RGS7: variants seen among roughly 807,000 people sequenced by gnomAD.
RGS7 encodes regulator of G-protein signaling 7.
RGS7 carries 27 observed loss-of-function variants against 81.1 expected under a neutral mutation model. The ratio of observed to expected loss-of-function variants is 0.33; its 90% CI spans 0.25 to 0.46. The LOEUF (loss-of-function observed/expected upper bound fraction) is 0.46, where lower values mean the gene tolerates loss of function less well. Ranked by LOEUF, RGS7 falls within the 20% of genes least tolerant of loss-of-function variation. The pLI, the probability that RGS7 is intolerant of heterozygous loss-of-function variation, is 1.00. For synonymous variants in RGS7, 208 were observed against 207.7 expected, an observed-to-expected ratio of 1.00 and a Z score of -0.01; for missense variants, 396 against 607.4, an observed-to-expected ratio of 0.65 and a Z score of 3.66.
intron 2 of RGS7, among the ~76,000 whole-genome samples, chr1:241,120,358 T>G (rs2102992192): frequency 6.6e-6 from 1 of 152,292 alleles, no homozygotes; most frequent in African/African-American, 2.4e-5. Flanking sequence ...TTTTTTTGTT[T>G]TGTTTTAGAG....
At chr1:241,106,312 TA>T (rs2065092075) in intron 2 of RGS7, among the ~76,000 whole-genome samples, 1 of 152,214 alleles carries the variant, frequency 6.6e-6, no homozygotes, top group African/African-American at 2.4e-5. Context: ...CTTTTCATAT[TA>T]AAAAACTGCC....
intron 2 of RGS7, among the ~76,000 whole-genome samples, chr1:241,355,391 G>A (rs2083497100): frequency 6.6e-6 from 1 of 152,192 alleles, no homozygotes; most frequent in African/African-American, 2.4e-5. Flanking sequence ...TATTACGGAT[G>A]CTACTAAATC....
intron 3 of RGS7, among the ~76,000 whole-genome samples, chr1:241,024,029 A>G (rs1024079030): frequency 8.5e-5 from 13 of 152,230 alleles, no homozygotes; most frequent in African/African-American, 2.7e-4. Context: ...TTGGGATTAC[A>G]GGCATGAGCC....
chr1:241,013,101 T>C (rs1047962167), intron 3 of RGS7, among the ~76,000 whole-genome samples: 2 of 131,954 alleles, frequency 1.5e-5, no homozygotes, highest in Non-Finnish European at 1.6e-5. Flanking sequence ...CCCACTCTGT[T>C]GCCCAGGCTG....
chr1:240,805,852 C>T (rs1688747610), intron 15 of RGS7, among the ~76,000 whole-genome samples: 1 of 152,002 alleles, frequency 6.6e-6, no homozygotes, highest in Admixed American at 6.6e-5. Flanking sequence ...TGTTTGCTCA[C>T]TTACTGGGGG....
At chr1:241,263,293 T>C (rs2077428661) in intron 2 of RGS7, among the ~76,000 whole-genome samples, 1 of 151,656 alleles carries the variant, frequency 6.6e-6, no homozygotes, top group Non-Finnish European at 1.5e-5. Flanking sequence ...AAAATATATA[T>C]ATATATAAAA....
chr1:240,892,945 T>C (rs1385161521), intron 6 of RGS7, among the ~76,000 whole-genome samples: 2 of 152,162 alleles, frequency 1.3e-5, no homozygotes, highest in Non-Finnish European at 2.9e-5. Flanking sequence ...GAGCTAAATG[T>C]GTTGCAACTA....
At chr1:241,044,300 G>C (rs1381653934) in intron 3 of RGS7, among the ~76,000 whole-genome samples, 7 of 151,792 alleles carry the variant, frequency 4.6e-5, no homozygotes, top group Non-Finnish European at 1.0e-4. Flanking sequence ...TTTAGAAACG[G>C]GGTTTCACCA....
chr1:241,032,065 A>C (rs1444848735), intron 3 of RGS7, among the ~76,000 whole-genome samples: 2 of 152,224 alleles, frequency 1.3e-5, no homozygotes, highest in African/African-American at 4.8e-5. Context: ...CAATATCCAG[A>C]AGAGTTTTCC....
intron 9 of RGS7, among the ~76,000 whole-genome samples, chr1:240,827,443 C>T (rs1321609276): frequency 6.6e-6 from 1 of 152,192 alleles, no homozygotes; most frequent in Admixed American, 6.5e-5. Context: ...TCGGACTGCA[C>T]ATGTGAAAGT....
chr1:241,334,945 G>T (rs759898584), intron 2 of RGS7, among the ~76,000 whole-genome samples: 5 of 152,144 alleles, frequency 3.3e-5, no homozygotes, highest in Non-Finnish European at 5.9e-5. Context: ...AGGGCACTGG[G>T]TTCTGCCAGT....
intron 6 of RGS7, among the ~76,000 whole-genome samples, chr1:240,913,145 T>C (rs1672037910): frequency 6.6e-6 from 1 of 152,232 alleles, no homozygotes; most frequent in Non-Finnish European, 1.5e-5. Context: ...CAGGGATACA[T>C]CCCAAACATA....
intron 4 of RGS7, among the ~76,000 whole-genome samples, chr1:240,976,747 C>T (rs1684122764): frequency 6.7e-6 from 1 of 148,602 alleles, no homozygotes. Context: ...ATCTATCTAT[C>T]TATCTATCTA....
intron 4 of RGS7, 90 bp downstream of exon 4, chr1:240,982,988 CT>C: frequency 1.4e-6 from 1 of 723,456 alleles, no homozygotes. Context: ...AGGAGGTTTG[CT>C]TGCGTGCCAT....
intron 10 of RGS7, among the ~76,000 whole-genome samples, chr1:240,824,803 G>A (rs934059100): frequency 6.6e-6 from 1 of 152,218 alleles, no homozygotes; most frequent in African/African-American, 2.4e-5. Flanking sequence ...TATAGGGTGG[G>A]AACTAATACA....
intron 10 of RGS7, among the ~76,000 whole-genome samples, chr1:240,826,054 C>T (rs1051040751): frequency 1.3e-5 from 2 of 152,124 alleles, no homozygotes; most frequent in Non-Finnish European, 2.9e-5. Context: ...TCTTGGTGCC[C>T]TCAGGATGTG....
chr1:241,212,354 CCT>C (rs2074292384), intron 2 of RGS7, among the ~76,000 whole-genome samples: 1 of 152,122 alleles, frequency 6.6e-6, no homozygotes, highest in Non-Finnish European at 1.5e-5. Context: ...GGGTGTGTCA[CCT>C]GAGAGGTGAC....
intron 2 of RGS7, among the ~76,000 whole-genome samples, chr1:241,137,268 A>G (rs1401559146): frequency 1.3e-5 from 2 of 151,936 alleles, no homozygotes; most frequent in Admixed American, 1.3e-4. Flanking sequence ...TATGTTTCCC[A>G]GGTCTTTGCA....
At chr1:241,043,774 T>C (rs1385136163) in intron 3 of RGS7, among the ~76,000 whole-genome samples, 2 of 151,692 alleles carry the variant, frequency 1.3e-5, no homozygotes, top group Non-Finnish European at 2.9e-5. Flanking sequence ...AGTATTTACA[T>C]TGTGTTAGGC....
Sources: gnomAD v4.1 joint callset for allele counts (sites outside exome capture counted in the v4.1 genomes callset) on GRCh38, gnomAD v4.1.1 for gene constraint, MANE v1.5 for transcripts, NCBI Gene and HGNC (gene_info 2026-07-23, HGNC 2026-07-21) for gene names.